Variants in DDC observed in about 807,000 individuals in gnomAD.
DDC encodes aromatic-L-amino-acid decarboxylase.
In DDC, 43 loss-of-function variants were observed where a neutral mutation model predicts 60.0. The observed-to-expected ratio is 0.72, with a 90% CI of 0.56 to 0.92. The LOEUF is 0.92. Among genes scored for constraint, DDC ranks in the 40% least tolerant of loss-of-function variants. The probability of loss-of-function intolerance (pLI) is 0.00; values close to 1 mark genes in which losing one functional copy is unlikely to be tolerated. For synonymous variants in DDC, 232 were observed against 234.6 expected, an observed-to-expected ratio of 0.99 and a Z score of 0.10; for missense variants, 573 against 620.2, an observed-to-expected ratio of 0.92 and a Z score of 0.81.
At chr7:50,495,483 C>T in intron 8 of DDC, 66 bp from the exon 9 acceptor site, 1 of 1,253,992 alleles carries the variant, frequency 8.0e-7, no homozygotes, top group South Asian at 1.3e-5. Context: ...ATAAAGAAGA[C>T]CCCATACATG....
intron 14 of DDC, among the ~76,000 whole-genome samples, chr7:50,462,144 G>A (rs1168333937): frequency 5.7e-5 from 8 of 141,358 alleles, no homozygotes; most frequent in Middle Eastern, 3.6e-3. Context: ...ACGAGCCATT[G>A]CAAAAAGGAT....
chr7:50,471,253 A>G (rs1372816201), intron 11 of DDC, among the ~76,000 whole-genome samples: 1 of 152,174 alleles, frequency 6.6e-6, no homozygotes, highest in Non-Finnish European at 1.5e-5. Flanking sequence ...TTAGCCTGGT[A>G]TGGTGGCACA....
At chr7:50,491,400 T>C (rs1244541291) in intron 9 of DDC, among the ~76,000 whole-genome samples, 2 of 152,180 alleles carry the variant, frequency 1.3e-5, no homozygotes, top group Non-Finnish European at 2.9e-5. Flanking sequence ...AAAAATGAGC[T>C]TTCCTAACCA....
chr7:50,476,702 C>A (rs960442187), intron 10 of DDC, 59 bp from the exon 11 acceptor site: 5 of 1,459,034 alleles, frequency 3.4e-6, no homozygotes, highest in Admixed American at 1.7e-5. Context: ...GTTGATCACA[C>A]GCTAATCCTT....
chr7:50,502,238 C>G (rs534132600), intron 7 of DDC, among the ~76,000 whole-genome samples: 1 of 152,274 alleles, frequency 6.6e-6, no homozygotes, highest in African/African-American at 2.4e-5. Context: ...TGCACAGCCT[C>G]CAGCCTCTAC....
chr7:50,528,229 C>G lies in DDC; in HGVS notation c.622G>C (p.Ala208Pro). The G allele has an allele frequency of 1.2e-6, 2 of 1,614,172 alleles. No individual in the cohort carries two copies. The highest frequency in any genetic ancestry group is 1.7e-6 in the Non-Finnish European group (2 of 1,180,032). ...GCGAAGTTGCCATCTGAGGGGATGGCTTTTAATTTCACTCCACCAATTAAC... is the reference window on the plus strand; with the variant it reads ...GCGAAGTTGCCATCTGAGGGGATGGGTTTTAATTTCACTCCACCAATTAAC... Reference protein sequence around the residue: ...AGLIGGVKLKAIPSDGNFAMR... With the variant: ...AGLIGGVKLKPIPSDGNFAMR... The change falls in exon 6 of 15, where the codon GCC (alanine) becomes CCC (proline). Residue 208 changes from alanine to proline, a missense_variant. Coordinates refer to ENST00000444124, the MANE Select transcript of DDC (RefSeq NM_001082971.2).
intron 8 of DDC, among the ~76,000 whole-genome samples, chr7:50,495,746 A>G (rs142521924): frequency 2.9e-3 from 445 of 152,362 alleles, no homozygotes; most frequent in Middle Eastern, 6.8e-3. Flanking sequence ...TCCCAAATGA[A>G]AAGCATTTTC....
intron 1 of DDC, among the ~76,000 whole-genome samples, chr7:50,548,218 T>C (rs2044869325): frequency 6.6e-6 from 1 of 152,218 alleles, no homozygotes; most frequent in Non-Finnish European, 1.5e-5. Context: ...TTAGGTCAGT[T>C]AGTAACACTG....
intron 1 of DDC, among the ~76,000 whole-genome samples, chr7:50,561,838 C>T (rs1236909834): frequency 6.6e-6 from 1 of 152,122 alleles, no homozygotes; most frequent in Non-Finnish European, 1.5e-5. Context: ...TGCAGGTGCC[C>T]CTGCCCCGAC....
chr7:50,505,278 A>G (rs2043361134), intron 6 of DDC, among the ~76,000 whole-genome samples: 1 of 152,244 alleles, frequency 6.6e-6, no homozygotes, highest in African/African-American at 2.4e-5. Flanking sequence ...CTATTGCTGA[A>G]TTGAAACAGC....
chr7:50,555,226 C>T (rs1051060469), intron 1 of DDC, among the ~76,000 whole-genome samples: 8 of 149,868 alleles, frequency 5.3e-5, no homozygotes, highest in African/African-American at 7.6e-5. Context: ...TTGGCAGAAC[C>T]CTACCACAAT....
intron 7 of DDC, among the ~76,000 whole-genome samples, chr7:50,500,933 G>A (rs1328689298): frequency 5.3e-5 from 8 of 152,246 alleles, no homozygotes; most frequent in Non-Finnish European, 1.0e-4. Context: ...TTTCCATGGG[G>A]ATGCATGGAG....
At chr7:50,459,382 G>C (rs1459606430) in intron 14 of DDC, among the ~76,000 whole-genome samples, 1 of 152,106 alleles carries the variant, frequency 6.6e-6, no homozygotes, top group African/African-American at 2.4e-5. Context: ...CCGCCACCCC[G>C]GTTGGGAAGT....
intron 9 of DDC, chr7:50,492,962 A>G: frequency 1.3e-6 from 2 of 1,598,336 alleles, no homozygotes; most frequent in Non-Finnish European, 1.7e-6. Context: ...GCACTGACTA[A>G]GCAGGTTTTC....
chr7:50,558,968 C>A (rs2045269566), intron 1 of DDC, among the ~76,000 whole-genome samples: 1 of 152,232 alleles, frequency 6.6e-6, no homozygotes, highest in Non-Finnish European at 1.5e-5. Flanking sequence ...CTGATCCCAA[C>A]AGAAACAGGC....
At position 50,458,842 on chromosome 7, in the gene DDC, T is replaced by G. The variant is rs2153531779; in HGVS notation, c.*20A>C. On this transcript the variant is annotated splice_region_variant and 3_prime_UTR_variant, in exon 15 of 15. Transcript: ENST00000444124. Reference sequence around the variant, plus strand: ...GATATATCTCTCTTCAATTTTTGATTCCTACAGGGAAAAAAAATAGCATGA... The same window carrying G: ...GATATATCTCTCTTCAATTTTTGATGCCTACAGGGAAAAAAAATAGCATGA... 6.6e-6 allele frequency: 1 copy of G among 151,810 alleles called. No homozygotes were observed. Among genetic ancestry groups the G allele is most frequent in the South Asian group, 2.1e-4 (1 of 4,806 alleles). 9.4% of individuals were successfully genotyped at this position (151,810 alleles called of 1,614,324 possible).
chr7:50,544,623 T>A (rs920861447), intron 1 of DDC, among the ~76,000 whole-genome samples: 2 of 152,188 alleles, frequency 1.3e-5, no homozygotes, highest in Non-Finnish European at 2.9e-5. Context: ...TCTTCTTCTC[T>A]CCTCTTGATT....
intron 3 of DDC, 120 bp from the exon 4 acceptor site, chr7:50,538,099 A>G: frequency 2.4e-6 from 3 of 1,272,244 alleles, no homozygotes; most frequent in Non-Finnish European, 1.1e-6. Context: ...CCAATCTCAG[A>G]TGTGATTCAA....
intron 6 of DDC, among the ~76,000 whole-genome samples, chr7:50,513,139 C>T (rs1354102900): frequency 6.6e-6 from 1 of 152,220 alleles, no homozygotes; most frequent in Non-Finnish European, 1.5e-5. Context: ...TCTCAGGAGG[C>T]ACCCTAAGTA....
Sources: gnomAD v4.1 joint callset for allele counts (sites outside exome capture counted in the v4.1 genomes callset) on GRCh38, gnomAD v4.1.1 for gene constraint, MANE v1.5 for transcripts, NCBI Gene and HGNC (gene_info 2026-07-23, HGNC 2026-07-21) for gene names.